Variants in MEF2A observed in about 807,000 individuals in gnomAD.
MEF2A encodes the protein myocyte-specific enhancer factor 2A.
MEF2A carries 28 observed loss-of-function variants against 55.8 expected under a neutral mutation model. The observed-to-expected ratio is 0.50, with a 90% confidence interval of 0.37 to 0.69. The LOEUF (loss-of-function observed/expected upper bound fraction) is 0.69. Ranked by LOEUF, MEF2A falls within the 30% of genes least tolerant of loss-of-function variation. MEF2A has a pLI of 0.00. For missense variants in MEF2A, 528 were observed against 626.2 expected, an observed-to-expected ratio of 0.84 and a Z score of 1.67; for synonymous variants, 239 against 227.1, an observed-to-expected ratio of 1.05 and a Z score of -0.47.
intron 7 of MEF2A, among the ~76,000 whole-genome samples, chr15:99,689,183 T>C (rs1408731875): frequency 2.6e-5 from 4 of 152,144 alleles, no homozygotes; most frequent in Admixed American, 2.6e-4. Context: ...ATAAGATGAT[T>C]AAAGTGAGAT....
At chr15:99,670,674 C>T (rs890984175) in intron 4 of MEF2A, among the ~76,000 whole-genome samples, 2 of 151,850 alleles carry the variant, frequency 1.3e-5, no homozygotes, top group Non-Finnish European at 1.5e-5. Flanking sequence ...TAAATCAAAC[C>T]ATGAAATACA....
At chr15:99,685,453 C>G (rs2054044527) in intron 7 of MEF2A, among the ~76,000 whole-genome samples, 1 of 150,710 alleles carries the variant, frequency 6.6e-6, no homozygotes, top group Non-Finnish European at 1.5e-5. Flanking sequence ...TTTTTTGCAC[C>G]TGTTGCAAAA....
At chr15:99,664,596 G>A (rs1441761928) in intron 4 of MEF2A, among the ~76,000 whole-genome samples, 1 of 152,138 alleles carries the variant, frequency 6.6e-6, no homozygotes, top group African/African-American at 2.4e-5. Flanking sequence ...ACATAAGATA[G>A]TGCAGGCTTG....
At chr15:99,577,372 C>T (rs1310952132) in intron 1 of MEF2A, among the ~76,000 whole-genome samples, 1 of 151,962 alleles carries the variant, frequency 6.6e-6, no homozygotes, top group Non-Finnish European at 1.5e-5. Context: ...CTGGTAACTT[C>T]ATTACTTTAT....
chr15:99,599,848 A>G (rs1249006738), intron 2 of MEF2A, among the ~76,000 whole-genome samples: 3 of 152,128 alleles, frequency 2.0e-5, no homozygotes, highest in Non-Finnish European at 2.9e-5. Flanking sequence ...AAAATACCCT[A>G]TACTTCAAAA....
chr15:99,620,545 T>C (rs1194248108), intron 2 of MEF2A, among the ~76,000 whole-genome samples: 3 of 152,224 alleles, frequency 2.0e-5, no homozygotes, highest in Non-Finnish European at 4.4e-5. Flanking sequence ...TGTGTAGTGT[T>C]CCATGGTGTA....
At position 99,633,033 on chromosome 15, in the gene MEF2A, C is replaced by T; in HGVS notation, c.-87C>T. ...GGACTAGAAGCTGAAATAACAGAAG[C>T]TGTGTACGATGCATTAGGGTATTGA... On this transcript the variant is annotated 5_prime_UTR_variant, in exon 3 of 12. Coordinates refer to ENST00000557942, the MANE Select transcript of MEF2A (RefSeq NM_001319206.4). 3 of 1,060,160 alleles carry T rather than the reference C, an allele frequency of 2.8e-6. No homozygotes were observed. The highest frequency in any genetic ancestry group is 4.2e-6 in the Non-Finnish European group (3 of 718,474). The allele number at this position is 1,060,160 out of a possible 1,614,324, so 65.7% of individuals were successfully genotyped here. A position where few individuals can be genotyped will look rare whatever the true frequency, so the allele number is the denominator to read the frequency against.
At chr15:99,693,013 G>A (rs1463703696) in intron 8 of MEF2A, among the ~76,000 whole-genome samples, 1 of 152,174 alleles carries the variant, frequency 6.6e-6, no homozygotes, top group Non-Finnish European at 1.5e-5. Context: ...AAAGCTGAGA[G>A]TGGAGCAGGC....
intron 4 of MEF2A, among the ~76,000 whole-genome samples, chr15:99,649,095 T>C (rs919553511): frequency 6.6e-6 from 1 of 152,310 alleles, no homozygotes; most frequent in African/African-American, 2.4e-5. Flanking sequence ...TTAATCAATT[T>C]TTTAAACTTT....
intron 10 of MEF2A, among the ~76,000 whole-genome samples, chr15:99,707,317 G>T (rs1213433233): frequency 6.6e-6 from 1 of 152,158 alleles, no homozygotes; most frequent in Non-Finnish European, 1.5e-5. Context: ...CCGACGTTTG[G>T]CTGTGTCGAA....
chr15:99,601,852 TGTGTGTCA>T (rs943181816), intron 2 of MEF2A, among the ~76,000 whole-genome samples: 6 of 47,584 alleles, frequency 1.3e-4, no homozygotes, highest in South Asian at 9.5e-4. Context: ...TGTGTGTGTG[TGTGTGTCA>T]GGGTAATGCT....
intron 8 of MEF2A, among the ~76,000 whole-genome samples, chr15:99,702,583 G>A (rs1160002448): frequency 2.0e-5 from 3 of 151,770 alleles, no homozygotes; most frequent in Non-Finnish European, 2.9e-5. Context: ...ACCTGCCACC[G>A]CACCTGGCTA....
chr15:99,617,640 T>G (rs779211389), intron 2 of MEF2A, among the ~76,000 whole-genome samples: 15 of 152,328 alleles, frequency 9.8e-5, no homozygotes, highest in Non-Finnish European at 1.8e-4. Context: ...TAATGAGAAG[T>G]ACAGTAGGGT....
chr15:99,570,905 C>A (rs2570924), intron 1 of MEF2A, among the ~76,000 whole-genome samples: 6,956 of 151,806 alleles, frequency 0.046, 530 homozygotes, highest in African/African-American at 0.16. Context: ...GACTTCCTGG[C>A]TGGGCGCGGT....
At chr15:99,573,871 T>C (rs1283048150) in intron 1 of MEF2A, among the ~76,000 whole-genome samples, 1 of 152,200 alleles carries the variant, frequency 6.6e-6, no homozygotes, top group Non-Finnish European at 1.5e-5. Flanking sequence ...GGGGATTCCT[T>C]TGGCAAAATG....
At chr15:99,583,017 C>T (rs1966384921) in intron 1 of MEF2A, among the ~76,000 whole-genome samples, 1 of 152,074 alleles carries the variant, frequency 6.6e-6, no homozygotes, top group South Asian at 2.1e-4. Context: ...GAAATAAACT[C>T]ATTTTTCTTT....
chr15:99,666,634 A>G (rs1453001287), intron 4 of MEF2A, among the ~76,000 whole-genome samples: 2 of 149,388 alleles, frequency 1.3e-5, no homozygotes, highest in Non-Finnish European at 3.0e-5. Flanking sequence ...AAGAAAAAAA[A>G]GGAAGGCTTT....
At chr15:99,627,978 A>G (rs2042311517) in intron 2 of MEF2A, among the ~76,000 whole-genome samples, 1 of 152,166 alleles carries the variant, frequency 6.6e-6, no homozygotes, top group African/African-American at 2.4e-5. Flanking sequence ...TTAAAAGAGA[A>G]ATGATTGGGG....
At position 99,605,670 on chromosome 15, in the gene MEF2A, T is replaced by TA. The variant is rs747968570; in HGVS notation, c.-143+7174dup. ...TACAGTACTTTTTAGATTTTAGATT[T>TA]AAAAAAAAAAAAAAAGGGGCTGGGT... On this transcript the variant is annotated intron_variant, in intron 2 of 11. Transcript: ENST00000557942. Among the ~76,000 whole-genome samples the TA allele has an allele frequency of 7.4e-3, 1,023 of 138,534 alleles. 9 individuals are homozygous for TA. Among genetic ancestry groups the TA allele is most frequent in the African/African-American group, 0.021 (789 of 37,828 alleles). The allele number at this position is 138,534 out of a possible 152,430, so 90.9% of individuals were successfully genotyped here.
Sources: gnomAD v4.1 joint callset for allele counts (sites outside exome capture counted in the v4.1 genomes callset) on GRCh38, gnomAD v4.1.1 for gene constraint, MANE v1.5 for transcripts, NCBI Gene and HGNC (gene_info 2026-07-23, HGNC 2026-07-21) for gene names.